Variants in RDX observed in about 807,000 individuals in gnomAD.
The protein encoded by RDX is radixin, also known as deafness, autosomal recessive 24.
Under a neutral mutation model 83.7 loss-of-function variants are expected in RDX, and 32 were observed. The observed-to-expected ratio is 0.38, with a 90% CI of 0.29 to 0.51. The LOEUF is 0.51. Ranked by LOEUF, RDX falls within the 20% of genes least tolerant of loss-of-function variation. RDX has a pLI of 0.87. For missense variants in RDX, 600 were observed against 689.9 expected, an observed-to-expected ratio of 0.87 and a Z score of 1.46; for synonymous variants, 229 against 222.7, an observed-to-expected ratio of 1.03 and a Z score of -0.25.
rs1565338367 is a variant in RDX at position 110,289,968 on chromosome 11, A to AAAAAAAAAAAAAAC, written c.-65+6498_-65+6499insGTTTTTTTTTTTTT. Among the ~76,000 whole-genome samples, 41 of 147,356 alleles carry AAAAAAAAAAAAAAC rather than the reference A, an allele frequency of 2.8e-4. 1 individual carries two copies. Among genetic ancestry groups the AAAAAAAAAAAAAAC allele is most frequent in the African/African-American group, 9.9e-4 (40 of 40,288 alleles). On this transcript the variant is annotated intron_variant, in intron 1 of 13. Transcript: ENST00000645495. Reference sequence around the variant, plus strand: ...AGTGAGACTGTCTCAAAAAAAAAAAAAAAAAAAAAAAAAACAAGGGTCCTT... The same window carrying AAAAAAAAAAAAAAC: ...AGTGAGACTGTCTCAAAAAAAAAAAAAAAAAAAAAAAAACAAAAAAAAAAAAAACAAGGGTCCTT...
intron 15 of RDX, among the ~76,000 whole-genome samples, chr11:110,198,601 G>T (rs2134234917): frequency 1.3e-5 from 2 of 152,242 alleles, no homozygotes; most frequent in Middle Eastern, 3.4e-3. Context: ...TGCATGCGAG[G>T]GTTCCACGTT....
intron 14 of RDX, among the ~76,000 whole-genome samples, chr11:110,202,364 A>G (rs1863443988): frequency 6.6e-6 from 1 of 151,944 alleles, no homozygotes; most frequent in African/African-American, 2.4e-5. Context: ...CTCACATTCC[A>G]GCCTGGGCAA....
chr11:110,258,773 T>C (rs909064373), intron 5 of RDX, among the ~76,000 whole-genome samples: 5 of 152,172 alleles, frequency 3.3e-5, no homozygotes, highest in East Asian at 1.9e-4. Context: ...AATTAAAAAG[T>C]AGAGTGAAAA....
chr11:110,272,803 A>G (rs1487960636), intron 2 of RDX, 184 bp from the exon 3 acceptor site: 2 of 586,592 alleles, frequency 3.4e-6, no homozygotes, highest in Non-Finnish European at 6.1e-6. Flanking sequence ...CTTAACATAT[A>G]CTGGGCACTA....
In RDX at chr11:110,247,852, T is replaced by A; in HGVS notation, c.960-19A>T. ...TTGTGCCCTTAAAAGGAATTGCAAT[T>A]GCTGTTACAAATTAATACACAAAAA... On this transcript the variant is annotated intron_variant, in intron 9 of 13. Transcript: ENST00000645495. 6.5e-7 allele frequency: 1 copy of A among 1,546,460 alleles called. No homozygotes were observed. The highest frequency in any genetic ancestry group is 8.7e-7 in the Non-Finnish European group (1 of 1,147,424).
intron 9 of RDX, among the ~76,000 whole-genome samples, chr11:110,249,644 C>A (rs1011394056): frequency 6.6e-6 from 1 of 152,080 alleles, no homozygotes; most frequent in South Asian, 2.1e-4. Flanking sequence ...GAGGCAAAGG[C>A]GGGAAGACTA....
At chr11:110,196,927 C>T (rs932320611) in intron 15 of RDX, among the ~76,000 whole-genome samples, 1 of 152,112 alleles carries the variant, frequency 6.6e-6, no homozygotes, top group Non-Finnish European at 1.5e-5. Context: ...GAGACAGGGT[C>T]GCGCTCTGCC....
chr11:110,278,990 TAAAAA>T (rs895379056), intron 2 of RDX, among the ~76,000 whole-genome samples: 1 of 151,906 alleles, frequency 6.6e-6, no homozygotes, highest in Admixed American at 6.6e-5. Flanking sequence ...TACCCTTAAA[TAAAAA>T]AAATCTAAGA....
chr11:110,208,947 ACT>A, intron 14 of RDX, among the ~76,000 whole-genome samples: 1 of 152,076 alleles, frequency 6.6e-6, no homozygotes, highest in East Asian at 1.9e-4. Flanking sequence ...CAAGAGCAAA[ACT>A]CTGTCTCAAA....
At chr11:110,191,030 C>T (rs1278614236) in intron 15 of RDX, among the ~76,000 whole-genome samples, 1 of 152,138 alleles carries the variant, frequency 6.6e-6, no homozygotes. Context: ...AAGTCAATAC[C>T]AATTCTACTG....
At chr11:110,266,929 C>T (rs1306737511) in intron 3 of RDX, among the ~76,000 whole-genome samples, 1 of 151,982 alleles carries the variant, frequency 6.6e-6, no homozygotes, top group East Asian at 1.9e-4. Context: ...GACGGGGTCT[C>T]ACTCTGTCAC....
At chr11:110,256,932 A>G (rs954683035) in intron 7 of RDX, among the ~76,000 whole-genome samples, 4 of 152,166 alleles carry the variant, frequency 2.6e-5, no homozygotes, top group African/African-American at 7.2e-5. Context: ...AAAATTCTGG[A>G]GCCAACCTAG....
intron 1 of RDX, among the ~76,000 whole-genome samples, chr11:110,294,749 C>A (rs1861378329): frequency 6.6e-6 from 1 of 151,940 alleles, no homozygotes; most frequent in South Asian, 2.1e-4. Flanking sequence ...ACAGACTCAA[C>A]GTATTTTCCC....
At chr11:110,237,147 C>CTATAA (rs1315093002) in intron 11 of RDX, among the ~76,000 whole-genome samples, 2 of 143,614 alleles carry the variant, frequency 1.4e-5, no homozygotes, top group African/African-American at 5.6e-5. Flanking sequence ...TAACATATAT[C>CTATAA]TATATTATAT....
intron 10 of RDX, among the ~76,000 whole-genome samples, chr11:110,242,305 T>A (rs946706147): frequency 6.6e-6 from 1 of 151,674 alleles, no homozygotes; most frequent in African/African-American, 2.4e-5. Flanking sequence ...ATACCAAAAT[T>A]AGCCAGACAT....
chr11:110,272,704 T>A (rs1471153923), intron 2 of RDX, 85 bp from the exon 3 acceptor site: 31 of 894,132 alleles, frequency 3.5e-5, no homozygotes, highest in Non-Finnish European at 5.4e-5. Flanking sequence ...ATTAAAGTGA[T>A]AAAGTTTTAT....
chr11:110,252,952 T>C (rs1859399406), intron 9 of RDX, among the ~76,000 whole-genome samples: 2 of 152,214 alleles, frequency 1.3e-5, no homozygotes, highest in Non-Finnish European at 2.9e-5. Flanking sequence ...GTATCTTTAA[T>C]GATGGGATTA....
chr11:110,258,807 C>A (rs1175087918), intron 5 of RDX, among the ~76,000 whole-genome samples: 1 of 151,802 alleles, frequency 6.6e-6, no homozygotes, highest in Non-Finnish European at 1.5e-5. Context: ...CCAATACCCC[C>A]CAAATAACTT....
intron 1 of RDX, among the ~76,000 whole-genome samples, chr11:110,280,170 T>C (rs1025912149): frequency 2.0e-5 from 3 of 152,184 alleles, no homozygotes; most frequent in African/African-American, 7.2e-5. Context: ...TATTCAATGT[T>C]TTTTTTCTGT....
Sources: gnomAD v4.1 joint callset for allele counts (sites outside exome capture counted in the v4.1 genomes callset) on GRCh38, gnomAD v4.1.1 for gene constraint, MANE v1.5 for transcripts, NCBI Gene and HGNC (gene_info 2026-07-23, HGNC 2026-07-21) for gene names.